The following IL1RAPL1 variants were observed in gnomAD, a reference collection of about 807,000 sequenced individuals.
The protein encoded by IL1RAPL1 is interleukin 1 receptor accessory protein like 1.
In IL1RAPL1, 3 loss-of-function variants were observed where a neutral mutation model predicts 48.4. That is an observed-to-expected ratio of 0.06 (90% CI 0.03 to 0.16). The LOEUF (loss-of-function observed/expected upper bound fraction) is 0.16, where lower values mean the gene tolerates loss of function less well. Among genes scored for constraint, IL1RAPL1 ranks in the 10% least tolerant of loss-of-function variants. The pLI is 1.00. For synonymous variants in IL1RAPL1, 185 were observed against 187.7 expected (o/e 0.99, Z 0.12); for missense variants, 349 against 530.6 (o/e 0.66, Z 3.36).
chrX:29,437,552 GT>G, intron 5 of IL1RAPL1, among the ~76,000 whole-genome samples: 1 of 110,380 alleles, frequency 9.1e-6, no homozygotes, highest in East Asian at 2.9e-4. Flanking sequence ...TTAGCTGTAG[GT>G]TTTTTATAGA....
chrX:29,217,212 T>C (rs1460686800), intron 2 of IL1RAPL1, among the ~76,000 whole-genome samples: 1 of 112,401 alleles, frequency 8.9e-6, no homozygotes, highest in African/African-American at 3.2e-5. Flanking sequence ...TTGTTTATTT[T>C]ACTCCACTTT....
At chrX:29,783,927 T>A (rs1601821403) in intron 6 of IL1RAPL1, among the ~76,000 whole-genome samples, 1 of 112,199 alleles carries the variant, frequency 8.9e-6, no homozygotes. Flanking sequence ...TTCTAAAGAA[T>A]CATGAACCAA....
At chrX:29,021,648 A>G (rs1476848159) in intron 2 of IL1RAPL1, among the ~76,000 whole-genome samples, 3 of 112,031 alleles carry the variant, frequency 2.7e-5, no homozygotes, top group African/African-American at 9.7e-5. Flanking sequence ...TTCTGCTTTC[A>G]TCTTCTTTGA....
intron 2 of IL1RAPL1, among the ~76,000 whole-genome samples, chrX:29,165,874 A>C (rs777216702): frequency 8.9e-6 from 1 of 111,955 alleles, no homozygotes; most frequent in South Asian, 3.7e-4. Context: ...CTTCCTACAC[A>C]CTACTATATA....
chrX:29,761,779 C>G (rs5928326), intron 6 of IL1RAPL1, among the ~76,000 whole-genome samples: 26,759 of 108,305 alleles, frequency 0.25, 2,567 homozygotes, highest in Admixed American at 0.37. Context: ...TTTCCCACAT[C>G]TTTGTCACTG....
At chrX:29,517,345 A>G (rs1159157846) in intron 5 of IL1RAPL1, among the ~76,000 whole-genome samples, 1 of 110,450 alleles carries the variant, frequency 9.1e-6, no homozygotes, top group Non-Finnish European at 1.9e-5. Flanking sequence ...AAATGTATAT[A>G]TATATATATA....
intron 1 of IL1RAPL1, among the ~76,000 whole-genome samples, chrX:28,692,230 C>A (rs943472470): frequency 9.0e-6 from 1 of 111,451 alleles, no homozygotes; most frequent in Non-Finnish European, 1.9e-5. Context: ...AAACAAACAC[C>A]TCCCATCAGG....
chrX:29,136,268 T>C (rs960149309), intron 2 of IL1RAPL1, among the ~76,000 whole-genome samples: 3 of 108,622 alleles, frequency 2.8e-5, no homozygotes, highest in Non-Finnish European at 5.7e-5. Flanking sequence ...GCTGGGATTA[T>C]AGGCATGCAC....
chrX:29,396,712 A>G (rs1264992609), intron 4 of IL1RAPL1, among the ~76,000 whole-genome samples: 1 of 111,757 alleles, frequency 8.9e-6, no homozygotes, highest in Non-Finnish European at 1.9e-5. Flanking sequence ...CAAGTCTACT[A>G]TGGTCTGGGT....
At chrX:28,982,395 G>C (rs1038329822) in intron 2 of IL1RAPL1, among the ~76,000 whole-genome samples, 1 of 112,000 alleles carries the variant, frequency 8.9e-6, no homozygotes, top group East Asian at 2.8e-4. Flanking sequence ...GATAATTATA[G>C]TACCTTCCTT....
At chrX:29,279,252 A>G (rs1046580794) in intron 2 of IL1RAPL1, among the ~76,000 whole-genome samples, 1 of 110,993 alleles carries the variant, frequency 9.0e-6, no homozygotes, top group Non-Finnish European at 1.9e-5. Flanking sequence ...TCTGACCAAC[A>G]TGGTGAAACC....
At chrX:29,450,107 A>G (rs1934662049) in intron 5 of IL1RAPL1, among the ~76,000 whole-genome samples, 2 of 112,139 alleles carry the variant, frequency 1.8e-5, no homozygotes, top group Admixed American at 9.5e-5. Flanking sequence ...GGAAAATTTC[A>G]AATGTTTTGC....
chrX:29,626,000 A>G (rs1022992357), intron 5 of IL1RAPL1, among the ~76,000 whole-genome samples: 1 of 112,001 alleles, frequency 8.9e-6, no homozygotes, highest in Admixed American at 9.6e-5. Flanking sequence ...TCTTAAATTT[A>G]TTATAGATTC....
At chrX:28,700,676 A>G (rs1935285436) in intron 1 of IL1RAPL1, among the ~76,000 whole-genome samples, 2 of 109,957 alleles carry the variant, frequency 1.8e-5, no homozygotes, top group Admixed American at 2.0e-4. Flanking sequence ...TGCATTAGTT[A>G]TTTGTCCTGA....
chrX:29,813,108 C>T, intron 6 of IL1RAPL1, among the ~76,000 whole-genome samples: 1 of 111,371 alleles, frequency 9.0e-6, no homozygotes, highest in Middle Eastern at 4.7e-3. Flanking sequence ...CAATGTTTTA[C>T]TCAAGAATTG....
intron 5 of IL1RAPL1, among the ~76,000 whole-genome samples, chrX:29,564,113 G>T (rs186228490): frequency 9.8e-4 from 109 of 111,718 alleles, no homozygotes; most frequent in African/African-American, 3.4e-3. Flanking sequence ...GTGAGTAAGA[G>T]ACATTACATA....
intron 2 of IL1RAPL1, among the ~76,000 whole-genome samples, chrX:29,172,699 G>C (rs1929932961): frequency 8.9e-6 from 1 of 111,858 alleles, no homozygotes; most frequent in Admixed American, 9.6e-5. Context: ...CAAAAGTTTT[G>C]AGGAGAGAGC....
chrX:28,818,595 G>C (rs1300338226), intron 2 of IL1RAPL1, among the ~76,000 whole-genome samples: 1 of 110,558 alleles, frequency 9.0e-6, no homozygotes, highest in Non-Finnish European at 1.9e-5. Context: ...CTGAAAATTG[G>C]TTAATGCCTG....
chrX:29,366,120 C>G (rs1026173703), intron 3 of IL1RAPL1, among the ~76,000 whole-genome samples: 1 of 109,898 alleles, frequency 9.1e-6, no homozygotes, highest in Admixed American at 9.8e-5. Flanking sequence ...TTAGAAATGA[C>G]ACAGATAAAA....
Sources: allele counts gnomAD v4.1 joint callset (sites outside exome capture counted in the v4.1 genomes callset), GRCh38; gene constraint gnomAD v4.1.1; transcripts MANE v1.5; gene names NCBI Gene and HGNC (gene_info 2026-07-23, HGNC 2026-07-21).